The following PDSS2 variants were observed in gnomAD, a reference collection of about 807,000 sequenced individuals.
PDSS2 encodes all trans-polyprenyl-diphosphate synthase PDSS2.
Under a neutral mutation model 44.5 loss-of-function variants are expected in PDSS2, and 31 were observed. The ratio of observed to expected loss-of-function variants is 0.70; its 90% confidence interval spans 0.52 to 0.94. The LOEUF (loss-of-function observed/expected upper bound fraction) is 0.94. PDSS2 is among the 40% of genes least tolerant of loss of function. PDSS2 has a pLI of 0.00. For missense variants in PDSS2, 452 were observed against 482.2 expected (o/e 0.94, Z 0.59); for synonymous variants, 157 against 180.3 (o/e 0.87, Z 1.03).
intron 6 of PDSS2, among the ~76,000 whole-genome samples, chr6:107,198,550 T>C (rs1468485221): frequency 5.3e-5 from 8 of 152,232 alleles, no homozygotes; most frequent in Admixed American, 5.2e-4. Context: ...TATAGGTATA[T>C]AATACATATA....
At chr6:107,345,102 C>T (rs1778198668) in intron 1 of PDSS2, among the ~76,000 whole-genome samples, 1 of 151,816 alleles carries the variant, frequency 6.6e-6, no homozygotes, top group Non-Finnish European at 1.5e-5. Flanking sequence ...ACAAGACTCA[C>T]ACCACCACTC....
At chr6:107,223,355 C>T (rs1237270384) in intron 4 of PDSS2, among the ~76,000 whole-genome samples, 1 of 150,880 alleles carries the variant, frequency 6.6e-6, no homozygotes, top group East Asian at 2.0e-4. Context: ...CATGGTGAAA[C>T]TCTGTCTCTA....
chr6:107,219,736 A>G (rs967045316), intron 4 of PDSS2, among the ~76,000 whole-genome samples: 2 of 152,176 alleles, frequency 1.3e-5, no homozygotes, highest in African/African-American at 2.4e-5. Context: ...ATGATTTCTT[A>G]TATGTTTCCT....
At chr6:107,292,735 T>A (rs1016890572) in intron 2 of PDSS2, among the ~76,000 whole-genome samples, 1 of 152,148 alleles carries the variant, frequency 6.6e-6, no homozygotes, top group Non-Finnish European at 1.5e-5. Flanking sequence ...TGTCAACACA[T>A]AATTATCCTG....
chr6:107,438,347 T>G (rs1781417171), intron 1 of PDSS2, among the ~76,000 whole-genome samples: 1 of 152,122 alleles, frequency 6.6e-6, no homozygotes, highest in Admixed American at 6.6e-5. Context: ...TAGCTGGAAT[T>G]ACAAGCATGC....
intron 4 of PDSS2, among the ~76,000 whole-genome samples, chr6:107,244,227 C>G (rs951255694): frequency 6.6e-6 from 1 of 152,168 alleles, no homozygotes; most frequent in Non-Finnish European, 1.5e-5. Context: ...ATTACTTAAC[C>G]TTTTCTCAAC....
At chr6:107,327,753 G>A (rs6935797) in intron 2 of PDSS2, among the ~76,000 whole-genome samples, 34,507 of 152,114 alleles carry the variant, frequency 0.23, 4,458 homozygotes, top group East Asian at 0.44. Context: ...CATGGTGCCC[G>A]GTCAACACTT....
intron 1 of PDSS2, among the ~76,000 whole-genome samples, chr6:107,356,009 C>T (rs1778588531): frequency 6.6e-6 from 1 of 152,276 alleles, no homozygotes; most frequent in Non-Finnish European, 1.5e-5. Flanking sequence ...GTTAGATTTC[C>T]TCTTCATTAT....
chr6:107,185,177 G>A (rs888458498), intron 7 of PDSS2, among the ~76,000 whole-genome samples: 14 of 146,600 alleles, frequency 9.5e-5, no homozygotes, highest in Admixed American at 6.8e-4. Flanking sequence ...AGGAGAAGAA[G>A]AAGAGAAGAA....
At chr6:107,266,331 T>G (rs1775409848) in intron 3 of PDSS2, among the ~76,000 whole-genome samples, 1 of 151,866 alleles carries the variant, frequency 6.6e-6, no homozygotes, top group African/African-American at 2.4e-5. Context: ...GAAGATCAAT[T>G]ACAGACCCTG....
intron 1 of PDSS2, among the ~76,000 whole-genome samples, chr6:107,430,812 A>G (rs921473655): frequency 2.0e-5 from 3 of 147,898 alleles, no homozygotes; most frequent in African/African-American, 7.4e-5. Context: ...TCCGTCTCAG[A>G]AAAAAAAAAA....
At chr6:107,264,125 A>T in intron 3 of PDSS2, 2 of 425,094 alleles carry the variant, frequency 4.7e-6, no homozygotes, top group Non-Finnish European at 6.8e-6. Context: ...ACATGTTTTT[A>T]GGTTTCAATT....
chr6:107,292,594 G>A (rs1355429971), intron 2 of PDSS2, among the ~76,000 whole-genome samples: 1 of 152,184 alleles, frequency 6.6e-6, no homozygotes, highest in East Asian at 1.9e-4. Flanking sequence ...ACATAATAAA[G>A]CTCTGCTTAG....
At chr6:107,227,485 A>G (rs1435869852) in intron 4 of PDSS2, among the ~76,000 whole-genome samples, 5 of 150,704 alleles carry the variant, frequency 3.3e-5, no homozygotes, top group African/African-American at 1.2e-4. Flanking sequence ...GGCGGGTTTC[A>G]CCATGTTGGC....
Position 107,447,253 on chromosome 6 carries a change from G to A in PDSS2, c.296+11737C>T, listed in dbSNP as rs571820482. ...CAGGAGGCTGAGGCAGGAGAATGGC[G>A]TGAACCCAGGAGGCAGAGCTTGCAG... On this transcript the variant is annotated intron_variant, in intron 1 of 7. Coordinates refer to ENST00000369037, the MANE Select transcript of PDSS2 (RefSeq NM_020381.4). 1.3e-3 allele frequency among the ~76,000 whole-genome samples: 205 copies of A among 152,120 alleles called. 1 individual carries two copies. Among genetic ancestry groups the A allele is most frequent in the Non-Finnish European group, 9.9e-4 (67 of 67,976 alleles).
At chr6:107,263,459 A>G (rs1214509201) in intron 3 of PDSS2, among the ~76,000 whole-genome samples, 4 of 151,814 alleles carry the variant, frequency 2.6e-5, no homozygotes, top group South Asian at 2.1e-4. Flanking sequence ...AAAAAAAAAA[A>G]GGGTGTCTTT....
At chr6:107,377,561 A>G (rs1779322519) in intron 1 of PDSS2, among the ~76,000 whole-genome samples, 1 of 152,172 alleles carries the variant, frequency 6.6e-6, no homozygotes, top group Non-Finnish European at 1.5e-5. Context: ...ACTATAAATC[A>G]TGCTGCTATA....
chr6:107,256,946 G>A (rs1057038298), intron 3 of PDSS2, among the ~76,000 whole-genome samples: 2 of 152,140 alleles, frequency 1.3e-5, no homozygotes, highest in Non-Finnish European at 2.9e-5. Flanking sequence ...TTGGGAGACC[G>A]AGGCAGGTGA....
chr6:107,365,967 C>A (rs1026083129), intron 1 of PDSS2, among the ~76,000 whole-genome samples: 7 of 152,112 alleles, frequency 4.6e-5, no homozygotes, highest in African/African-American at 1.7e-4. Flanking sequence ...TAATACTCTG[C>A]TTTCAATAAT....
Sources: gnomAD v4.1 joint callset for allele counts (sites outside exome capture counted in the v4.1 genomes callset) on GRCh38, gnomAD v4.1.1 for gene constraint, MANE v1.5 for transcripts, NCBI Gene and HGNC (gene_info 2026-07-23, HGNC 2026-07-21) for gene names.